TXNRD2: variants seen among roughly 807,000 people sequenced by gnomAD.
The protein encoded by TXNRD2 is thioredoxin reductase 2, mitochondrial.
TXNRD2 carries 67 observed loss-of-function variants against 70.8 expected under a neutral mutation model. That is an observed-to-expected ratio of 0.95 (90% confidence interval 0.78 to 1.16). The LOEUF (loss-of-function observed/expected upper bound fraction) is 1.16, where lower values mean the gene tolerates loss of function less well. Ranked by LOEUF, TXNRD2 falls within the 50% of genes most tolerant of loss-of-function variation. TXNRD2 has a pLI of 0.00. For synonymous variants in TXNRD2, 301 were observed against 295.8 expected, an observed-to-expected ratio of 1.02 and a Z score of -0.18; for missense variants, 644 against 719.9, an observed-to-expected ratio of 0.89 and a Z score of 1.21.
chr22:19,936,955 G>A (rs935243655), intron 1 of TXNRD2, among the ~76,000 whole-genome samples: 18 of 152,128 alleles, frequency 1.2e-4, no homozygotes, highest in East Asian at 5.8e-4. Flanking sequence ...CAAGTGTGTC[G>A]ATATACGCCG....
In TXNRD2 at chr22:19,901,338, A is replaced by G. The variant is rs528593845; in HGVS notation, c.663-2270T>C. Among the ~76,000 whole-genome samples the G allele has an allele frequency of 7.2e-3, 1,091 of 152,300 alleles. 6 individuals are homozygous for G. Among genetic ancestry groups the G allele is most frequent in the Non-Finnish European group, 0.011 (750 of 68,020 alleles). ...AAAGTCACAGGTGCCCCCATCCCTC[A>G]GCTGCCAGCTCTGAATCAGCAACTG... On this transcript the variant is annotated intron_variant, in intron 8 of 17. Transcript: ENST00000400521.
intron 11 of TXNRD2, among the ~76,000 whole-genome samples, chr22:19,885,415 G>A (rs1029545614): frequency 6.6e-6 from 1 of 152,238 alleles, no homozygotes; most frequent in Non-Finnish European, 1.5e-5. Flanking sequence ...CTGTCCCGGG[G>A]CAGGAGTCAA....
In TXNRD2 at chr22:19,878,353, C is replaced by T. The variant is rs1433962762; in HGVS notation, c.1347+13G>A. The T allele has an allele frequency of 3.1e-6, 5 of 1,613,664 alleles. No individual in the cohort carries two copies. The highest frequency in any genetic ancestry group is 2.2e-5 in the East Asian group (1 of 44,894). ...CTCTCATCCTCAGCACCCTGGGCCA[C>T]AGGGATGCTCACCTTTACATAACAC... On this transcript the variant is annotated intron_variant, in intron 15 of 17. Transcript: ENST00000400521.
chr22:19,933,524 TCTG>T, intron 1 of TXNRD2: 1 of 1,288,458 alleles, frequency 7.8e-7, no homozygotes, highest in East Asian at 5.6e-5. Context: ...GCCCCCTCTG[TCTG>T]CTATCAGGCA....
At chr22:19,894,984 AAAG>A in intron 11 of TXNRD2, 2 of 1,470,962 alleles carry the variant, frequency 1.4e-6, no homozygotes, top group South Asian at 1.4e-5. Context: ...AAAAAAAAAA[AAAG>A]AAAAGAAACA....
intron 2 of TXNRD2, among the ~76,000 whole-genome samples, chr22:19,922,743 G>A (rs1940963607): frequency 6.6e-6 from 1 of 152,152 alleles, no homozygotes; most frequent in Non-Finnish European, 1.5e-5. Context: ...CTGGAGTGCA[G>A]TGGCGTGATC....
At chr22:19,889,627 A>AATTATTATTATTATT (rs71186634) in intron 11 of TXNRD2, among the ~76,000 whole-genome samples, 8 of 150,342 alleles carry the variant, frequency 5.3e-5, no homozygotes, top group African/African-American at 2.0e-4. Context: ...AACAAAAAAC[A>AATTATTATTATTATT]ATTATTATTA....
At chr22:19,927,044 A>C (rs1236212386) in intron 2 of TXNRD2, among the ~76,000 whole-genome samples, 1 of 152,146 alleles carries the variant, frequency 6.6e-6, no homozygotes, top group African/African-American at 2.4e-5. Context: ...CTGTAATCCC[A>C]ACACTTTGGA....
intron 8 of TXNRD2, among the ~76,000 whole-genome samples, chr22:19,904,314 C>A (rs556652444): frequency 6.6e-6 from 1 of 152,236 alleles, no homozygotes; most frequent in African/African-American, 2.4e-5. Flanking sequence ...ACAGGTATGG[C>A]CCCATTTTGC....
At chr22:19,903,103 C>T (rs1353674541) in intron 8 of TXNRD2, 1 of 505,316 alleles carries the variant, frequency 2.0e-6, no homozygotes, top group East Asian at 5.5e-5. Flanking sequence ...GTGGACAGGC[C>T]TGGCTGGCTG....
chr22:19,891,780 C>G (rs1939273045), intron 11 of TXNRD2: 1 of 152,272 alleles, frequency 6.6e-6, no homozygotes, highest in African/African-American at 2.4e-5. Context: ...GCGGGTGATT[C>G]AGAGACAAAC....
chr22:19,920,934 C>T (rs948677856), intron 2 of TXNRD2, among the ~76,000 whole-genome samples: 1 of 151,676 alleles, frequency 6.6e-6, no homozygotes, highest in East Asian at 1.9e-4. Flanking sequence ...AACCCTGTCT[C>T]TACTAAAAAA....
At chr22:19,904,529 G>C (rs1432489806) in intron 8 of TXNRD2, among the ~76,000 whole-genome samples, 1 of 152,234 alleles carries the variant, frequency 6.6e-6, no homozygotes, top group East Asian at 1.9e-4. Context: ...AAGTGGCATG[G>C]TACGACCTTG....
At chr22:19,899,771 G>A (rs1004692810) in intron 8 of TXNRD2, among the ~76,000 whole-genome samples, 5 of 152,080 alleles carry the variant, frequency 3.3e-5, no homozygotes, top group African/African-American at 1.2e-4. Context: ...ACTCTTACAC[G>A]GGCACAAATG....
In TXNRD2 at chr22:19,911,412, A is replaced by C. The variant is rs376336621; in HGVS notation, c.627T>G (p.Asp209Glu). 1.3e-5 allele frequency: 21 copies of C among 1,613,816 alleles called. No homozygotes were observed. Among genetic ancestry groups the C allele is most frequent in the Non-Finnish European group, 1.8e-5 (21 of 1,179,830 alleles). Residue 209 changes from aspartate (D) to glutamate (E), a missense_variant, in exon 8 of 18, where the codon GAT (aspartate) becomes GAG (glutamate). Asp to Glu is a conservative substitution (Grantham distance 45). Transcript: ENST00000400521. ...GGGATTCCTTCAGCCAGAAGATGTC[A>C]TCACTTGTGATTCCATATTCCAAGG... is the stretch of plus-strand genomic sequence containing the variant. ...EGALEYGITS[D>E]DIFWLKESPG...
chr22:19,877,284 G>A (rs199795736), intron 16 of TXNRD2, 50 bp from the exon 17 acceptor site: 47 of 1,521,686 alleles, frequency 3.1e-5, no homozygotes, highest in South Asian at 5.7e-5. Flanking sequence ...AGGGAGGGGG[G>A]TCCACAGCAT....
chr22:19,930,067 C>T (rs1941301457), intron 2 of TXNRD2, among the ~76,000 whole-genome samples: 1 of 152,194 alleles, frequency 6.6e-6, no homozygotes, highest in African/African-American at 2.4e-5. Flanking sequence ...CCTGCGCCAT[C>T]GTTTCTGGGA....
intron 2 of TXNRD2, 114 bp downstream of exon 2, chr22:19,930,916 G>A: frequency 2.2e-6 from 2 of 914,208 alleles, no homozygotes; most frequent in South Asian, 1.3e-5. Flanking sequence ...CCACTGGGGT[G>A]ACCCCAGCAG....
intron 16 of TXNRD2, 95 bp downstream of exon 16, chr22:19,877,995 G>GC: frequency 1.9e-6 from 2 of 1,066,508 alleles, no homozygotes; most frequent in Non-Finnish European, 2.8e-6. Context: ...CATAAATGCC[G>GC]CAAGAGTGGC....
Sources: gnomAD v4.1 joint callset for allele counts (sites outside exome capture counted in the v4.1 genomes callset) on GRCh38, gnomAD v4.1.1 for gene constraint, MANE v1.5 for transcripts, NCBI Gene and HGNC (gene_info 2026-07-23, HGNC 2026-07-21) for gene names.